The following CAMTA1 variants were observed in gnomAD, a reference collection of about 807,000 sequenced individuals.
The protein encoded by CAMTA1 is calmodulin-binding transcription activator 1.
Under a neutral mutation model 170.9 loss-of-function variants are expected in CAMTA1, and 27 were observed. The ratio of observed to expected loss-of-function variants is 0.16; its 90% CI spans 0.12 to 0.22. CAMTA1 has a LOEUF of 0.22. CAMTA1 is among the 10% of genes least tolerant of loss of function. CAMTA1 has a pLI of 1.00. For synonymous variants in CAMTA1, 833 were observed against 891.5 expected (o/e 0.93, Z 1.17); for missense variants, 1,619 against 2,217.2 (o/e 0.73, Z 5.42).
intron 1 of CAMTA1, among the ~76,000 whole-genome samples, chr1:6,816,501 A>G (rs563490830): frequency 1.8e-4 from 27 of 152,212 alleles, no homozygotes; most frequent in African/African-American, 5.3e-4. Context: ...AACACAGGCT[A>G]CTCTAAAGGT....
chr1:7,672,588 A>G (rs2096069990), intron 10 of CAMTA1, among the ~76,000 whole-genome samples: 1 of 151,900 alleles, frequency 6.6e-6, no homozygotes. Context: ...CACCCAGCTA[A>G]TTTTTGTACT....
At chr1:7,608,834 C>T (rs765432695) in intron 6 of CAMTA1, among the ~76,000 whole-genome samples, 16 of 152,198 alleles carry the variant, frequency 1.1e-4, no homozygotes, top group South Asian at 1.0e-3. Context: ...GGGCCTCAGC[C>T]GGCCACAGGT....
intron 4 of CAMTA1, among the ~76,000 whole-genome samples, chr1:7,218,843 G>A (rs1234724272): frequency 1.3e-5 from 2 of 152,046 alleles, no homozygotes; most frequent in Non-Finnish European, 2.9e-5. Flanking sequence ...TTTTCCAGTC[G>A]TGTGAAAGGT....
At chr1:7,618,898 T>A (rs551143387) in intron 6 of CAMTA1, among the ~76,000 whole-genome samples, 14 of 152,306 alleles carry the variant, frequency 9.2e-5, no homozygotes, top group Middle Eastern at 3.4e-3. Flanking sequence ...CTTTTTTTTT[T>A]AATCCAGAAA....
At chr1:7,730,400 A>G (rs1389261151) in intron 11 of CAMTA1, among the ~76,000 whole-genome samples, 1 of 152,130 alleles carries the variant, frequency 6.6e-6, no homozygotes, top group Admixed American at 6.5e-5. Flanking sequence ...ACCAGGCCTC[A>G]GTTCTGGACA....
chr1:7,649,904 T>C (rs907746213), intron 7 of CAMTA1, among the ~76,000 whole-genome samples: 8 of 152,310 alleles, frequency 5.3e-5, no homozygotes, highest in African/African-American at 1.2e-4. Context: ...AAGTTAGAAT[T>C]CATTGCCAAC....
At chr1:7,387,199 T>G (rs2088107940) in intron 5 of CAMTA1, among the ~76,000 whole-genome samples, 1 of 152,074 alleles carries the variant, frequency 6.6e-6, no homozygotes, top group Non-Finnish European at 1.5e-5. Context: ...CCCTTGTGTA[T>G]GCTGTTGACC....
chr1:6,834,752 C>T (rs1487340300), intron 3 of CAMTA1: 1 of 154,330 alleles, frequency 6.5e-6, no homozygotes, highest in African/African-American at 2.4e-5. Flanking sequence ...ATCCTCCCAC[C>T]TCAGCCTTCT....
chr1:7,368,133 C>T (rs371768188), intron 5 of CAMTA1, among the ~76,000 whole-genome samples: 13 of 145,976 alleles, frequency 8.9e-5, no homozygotes, highest in South Asian at 6.6e-4. Flanking sequence ...TGGGTGCAGG[C>T]GCTGGGCATG....
At chr1:7,085,808 C>G (rs142232036) in intron 3 of CAMTA1, among the ~76,000 whole-genome samples, 1 of 152,354 alleles carries the variant, frequency 6.6e-6, no homozygotes, top group Non-Finnish European at 1.5e-5. Context: ...CTTTGCAGTC[C>G]TCTATCAAAA....
intron 6 of CAMTA1, among the ~76,000 whole-genome samples, chr1:7,511,587 C>T (rs2094202247): frequency 6.6e-6 from 1 of 152,062 alleles, no homozygotes; most frequent in Non-Finnish European, 1.5e-5. Flanking sequence ...CTAGGCATTC[C>T]CCACATCCCG....
intron 3 of CAMTA1, among the ~76,000 whole-genome samples, chr1:6,904,658 TC>T (rs1677923292): frequency 6.7e-6 from 1 of 149,020 alleles, no homozygotes; most frequent in African/African-American, 2.5e-5. Flanking sequence ...GCCTCAAACT[TC>T]CAGGCTCAAG....
At chr1:7,576,888 C>T (rs1350590598) in intron 6 of CAMTA1, among the ~76,000 whole-genome samples, 1 of 152,170 alleles carries the variant, frequency 6.6e-6, no homozygotes, top group Non-Finnish European at 1.5e-5. Flanking sequence ...GGGGGATTGG[C>T]CATCACAGAT....
At chr1:6,852,831 T>A (rs1324201549) in intron 3 of CAMTA1, among the ~76,000 whole-genome samples, 1 of 152,222 alleles carries the variant, frequency 6.6e-6, no homozygotes, top group Non-Finnish European at 1.5e-5. Context: ...CTAACCTCTC[T>A]CCCTTCCCAG....
At chr1:7,178,426 G>A (rs1651408372) in intron 4 of CAMTA1, among the ~76,000 whole-genome samples, 1 of 152,086 alleles carries the variant, frequency 6.6e-6, no homozygotes, top group African/African-American at 2.4e-5. Context: ...TGACATCTTC[G>A]GCTCTGTGTT....
chr1:7,727,761 A>G (rs2096701468), intron 11 of CAMTA1, among the ~76,000 whole-genome samples: 1 of 152,276 alleles, frequency 6.6e-6, no homozygotes, highest in Non-Finnish European at 1.5e-5. Context: ...CTGTAAAACC[A>G]AAACAAGCGT....
At chr1:7,581,338 A>G (rs2095258953) in intron 6 of CAMTA1, among the ~76,000 whole-genome samples, 1 of 152,252 alleles carries the variant, frequency 6.6e-6, no homozygotes, top group Non-Finnish European at 1.5e-5. Context: ...GTTCTCTCAC[A>G]TGGAGAAAAT....
rs181459365 is a variant in CAMTA1 at position 7,533,880 on chromosome 1, C to T, written c.510+65979C>T. Among the ~76,000 whole-genome samples, 1,056 of 152,168 alleles carry T rather than the reference C, an allele frequency of 6.9e-3. 15 individuals carry two copies. The highest frequency in any genetic ancestry group is 0.024 in the African/African-American group (1,007 of 41,488). On this transcript the variant is annotated intron_variant, in intron 6 of 22. Coordinates refer to ENST00000303635, the MANE Select transcript of CAMTA1 (RefSeq NM_015215.4). ...AGTAAGCCGCAGTCACACCACTGCACTCTAGCCTGGATGACAGAGCGAGAC... is the reference window on the plus strand; with the variant it reads ...AGTAAGCCGCAGTCACACCACTGCATTCTAGCCTGGATGACAGAGCGAGAC...
In CAMTA1 at chr1:7,248,444, G is replaced by A. The variant is rs1027965748; in HGVS notation, c.303-1047G>A. ...CACTGGCCTCGTGGTGCGCAGAATCGCTGGCATTCCTCTTCCCCTGCTGCA... is the reference window on the plus strand; with the variant it reads ...CACTGGCCTCGTGGTGCGCAGAATCACTGGCATTCCTCTTCCCCTGCTGCA... On this transcript the variant is annotated intron_variant, in intron 4 of 22. Transcript: ENST00000303635. This position sits in a 1 kb window ranked among gnomAD's most constrained non-coding sequence, Gnocchi z 4.0. Among the ~76,000 whole-genome samples the A allele has an allele frequency of 2.0e-5, 3 of 152,208 alleles. No individual in the cohort carries two copies. The highest frequency in any genetic ancestry group is 6.5e-5 in the Admixed American group (1 of 15,286).
Sources: gnomAD v4.1 joint callset for allele counts (sites outside exome capture counted in the v4.1 genomes callset) on GRCh38, gnomAD v4.1.1 for gene constraint, Gnocchi (gnomAD v3.1) non-coding constraint, MANE v1.5 for transcripts, NCBI Gene and HGNC (gene_info 2026-07-23, HGNC 2026-07-21) for gene names.